The following ZBTB20 variants were observed in gnomAD, a reference collection of about 807,000 sequenced individuals.
The protein encoded by ZBTB20 is zinc finger and BTB domain-containing protein 20.
ZBTB20 carries 9 observed loss-of-function variants against 56.9 expected under a neutral mutation model. The observed-to-expected ratio is 0.16, with a 90% CI of 0.10 to 0.28. ZBTB20 has a LOEUF of 0.28. ZBTB20 is among the 10% of genes least tolerant of loss of function. The probability of loss-of-function intolerance (pLI) is 1.00; values close to 1 mark genes in which losing one functional copy is unlikely to be tolerated. For missense variants in ZBTB20, 655 were observed against 1,003.0 expected (o/e 0.65, Z 4.69); for synonymous variants, 417 against 420.7 (o/e 0.99, Z 0.11).
chr3:114,924,189 A>T (rs554456831), intron 3 of ZBTB20, among the ~76,000 whole-genome samples: 1 of 152,344 alleles, frequency 6.6e-6, no homozygotes, highest in East Asian at 1.9e-4. Context: ...ATGATCCAGC[A>T]AGCCCACTTC....
chr3:114,814,421 A>ATTG (rs1333419952), intron 4 of ZBTB20, among the ~76,000 whole-genome samples: 1 of 152,014 alleles, frequency 6.6e-6, no homozygotes, highest in East Asian at 1.9e-4. Context: ...ATTCATCTAA[A>ATTG]TTTACTATAT....
intron 7 of ZBTB20, among the ~76,000 whole-genome samples, chr3:114,433,778 G>A (rs2090302698): frequency 6.6e-6 from 1 of 152,148 alleles, no homozygotes; most frequent in South Asian, 2.1e-4. Flanking sequence ...ATACAAATAA[G>A]TGCTTTAGCA....
At chr3:115,146,828 G>A (rs2084996060) in intron 1 of ZBTB20, among the ~76,000 whole-genome samples, 1 of 152,116 alleles carries the variant, frequency 6.6e-6, no homozygotes, top group South Asian at 2.1e-4. Context: ...GCGGCTCCAG[G>A]CGCAGGGAGT....
At chr3:114,944,405 T>C (rs1468347471) in intron 3 of ZBTB20, among the ~76,000 whole-genome samples, 1 of 145,442 alleles carries the variant, frequency 6.9e-6, no homozygotes, top group Non-Finnish European at 1.5e-5. Context: ...GTACAGCCAT[T>C]ATGAAAAACA....
chr3:114,514,747 C>G (rs2045793614), intron 6 of ZBTB20, among the ~76,000 whole-genome samples: 1 of 151,842 alleles, frequency 6.6e-6, no homozygotes, highest in Non-Finnish European at 1.5e-5. Context: ...GAGCGAGGGC[C>G]AGAAAAGAAG....
intron 2 of ZBTB20, among the ~76,000 whole-genome samples, chr3:114,989,629 T>C (rs1224652912): frequency 2.0e-5 from 3 of 152,180 alleles, no homozygotes; most frequent in Non-Finnish European, 4.4e-5. Flanking sequence ...TTTTTCCCAA[T>C]TCTGTGAAGA....
intron 4 of ZBTB20, among the ~76,000 whole-genome samples, chr3:114,833,720 G>C (rs2073975841): frequency 7.7e-6 from 1 of 129,558 alleles, no homozygotes; most frequent in Admixed American, 8.2e-5. Flanking sequence ...TTTTTTTTGA[G>C]ATACAGGTTC....
intron 6 of ZBTB20, among the ~76,000 whole-genome samples, chr3:114,526,592 A>T (rs971517768): frequency 1.3e-5 from 2 of 152,182 alleles, no homozygotes; most frequent in Non-Finnish European, 2.9e-5. Context: ...AAAAACTAAC[A>T]ACCAGGGATT....
At chr3:114,911,248 A>G (rs1482058335) in intron 3 of ZBTB20, among the ~76,000 whole-genome samples, 1 of 151,998 alleles carries the variant, frequency 6.6e-6, no homozygotes. Flanking sequence ...AGACTTGCCA[A>G]TGATGGTCCC....
rs2079383744 is a variant in ZBTB20, at chr3:114,334,541, C to G, written c.*4464G>C. On this transcript the variant is annotated 3_prime_UTR_variant, in exon 12 of 12. Transcript: ENST00000675478. ...AACATACCTGGAGGAAAACTTTTTT[C>G]ATTATCAGAATTCACAAATTCTTAC... 6.6e-6 allele frequency: 1 copy of G among 152,112 alleles called. No individual in the cohort carries two copies. The allele number at this position is 152,112 out of a possible 1,614,324, so 9.4% of individuals were successfully genotyped here. A position where few individuals can be genotyped will look rare whatever the true frequency, so the allele number is the denominator to read the frequency against.
At chr3:115,025,373 T>C (rs1437406445) in intron 2 of ZBTB20, among the ~76,000 whole-genome samples, 1 of 151,250 alleles carries the variant, frequency 6.6e-6, no homozygotes, top group East Asian at 1.9e-4. Flanking sequence ...GTTGAATCCA[T>C]GACTTTGCTA....
rs115924558 is a variant in ZBTB20 at position 114,585,827 on chromosome 3, C to T, written c.-294-85436G>A. On this transcript the variant is annotated intron_variant, in intron 6 of 11. Coordinates refer to ENST00000675478, the MANE Select transcript of ZBTB20 (RefSeq NM_001348800.3). ...CTTGCTTGTCATCAACTTGTTAATG[C>T]AATAGTCAAACATTTCTCTGACATG... is the stretch of plus-strand genomic sequence containing the variant. Among the ~76,000 whole-genome samples the T allele has an allele frequency of 7.1e-3, 1,086 of 152,292 alleles. 15 individuals carry two copies. Among genetic ancestry groups the T allele is most frequent in the African/African-American group, 0.024 (992 of 41,554 alleles).
At chr3:114,819,167 T>C (rs1459543423) in intron 4 of ZBTB20, among the ~76,000 whole-genome samples, 1 of 151,952 alleles carries the variant, frequency 6.6e-6, no homozygotes, top group East Asian at 1.9e-4. Flanking sequence ...TGCCTATACC[T>C]AAATATATGA....
intron 6 of ZBTB20, among the ~76,000 whole-genome samples, chr3:114,554,772 G>A (rs1266387778): frequency 6.6e-6 from 1 of 152,018 alleles, no homozygotes; most frequent in African/African-American, 2.4e-5. Context: ...GCAGATCTCT[G>A]TATCTTTTTA....
intron 11 of ZBTB20, among the ~76,000 whole-genome samples, chr3:114,348,977 A>G (rs2080415921): frequency 6.6e-6 from 1 of 152,172 alleles, no homozygotes; most frequent in Non-Finnish European, 1.5e-5. Context: ...AGGCAGGCAG[A>G]TGGCTTGAGC....
At chr3:114,520,207 G>A (rs2046474300) in intron 6 of ZBTB20, 1 of 152,090 alleles carries the variant, frequency 6.6e-6, no homozygotes, top group African/African-American at 2.4e-5. Context: ...TGTTTAACAG[G>A]AGTCTCTTTA....
chr3:115,104,623 T>C (rs1207512329), intron 1 of ZBTB20, among the ~76,000 whole-genome samples: 3 of 152,208 alleles, frequency 2.0e-5, no homozygotes, highest in Non-Finnish European at 2.9e-5. Context: ...TACGTATCTA[T>C]ACACTGTATG....
chr3:114,600,636 A>T (rs529038232), intron 6 of ZBTB20, among the ~76,000 whole-genome samples: 2 of 152,076 alleles, frequency 1.3e-5, no homozygotes, highest in South Asian at 4.2e-4. Context: ...ACTTGCATTA[A>T]CTTCCTCATA....
intron 2 of ZBTB20, among the ~76,000 whole-genome samples, chr3:115,004,124 A>G (rs749343767): frequency 1.6e-4 from 25 of 151,682 alleles, no homozygotes; most frequent in African/African-American, 5.8e-4. Context: ...CTATACTGTC[A>G]TGAGAACTTG....
Sources: allele counts gnomAD v4.1 joint callset (sites outside exome capture counted in the v4.1 genomes callset), GRCh38; gene constraint gnomAD v4.1.1; transcripts MANE v1.5; gene names NCBI Gene and HGNC (gene_info 2026-07-23, HGNC 2026-07-21).